Variants in NTM observed in about 807,000 individuals in gnomAD.
The protein encoded by NTM is neurotrimin.
A neutral mutation model predicts 42.1 loss-of-function variants in NTM; 13 were observed. The observed-to-expected ratio is 0.31, with a 90% CI of 0.20 to 0.49. NTM has a LOEUF of 0.49. NTM is among the 20% of genes least tolerant of loss of function. The probability of loss-of-function intolerance (pLI) is 0.99; values close to 1 mark genes in which losing one functional copy is unlikely to be tolerated. For missense variants in NTM, 373 were observed against 452.8 expected (o/e 0.82, Z 1.60); for synonymous variants, 187 against 179.2 (o/e 1.04, Z -0.35).
At chr11:131,760,518 T>C (rs1207330956) in intron 1 of NTM, among the ~76,000 whole-genome samples, 1 of 152,186 alleles carries the variant, frequency 6.6e-6, no homozygotes, top group East Asian at 1.9e-4. Flanking sequence ...CACGGATTTA[T>C]GGAGTCCTTA....
At chr11:131,998,436 C>G (rs992241789) in intron 2 of NTM, among the ~76,000 whole-genome samples, 4 of 152,198 alleles carry the variant, frequency 2.6e-5, no homozygotes, top group Admixed American at 2.6e-4. Flanking sequence ...AGGCAAGGCT[C>G]TGCTTGGGGC....
intron 1 of NTM, among the ~76,000 whole-genome samples, chr11:131,666,492 C>T (rs1172578383): frequency 2.0e-5 from 3 of 152,144 alleles, no homozygotes; most frequent in Non-Finnish European, 4.4e-5. Context: ...CTGACTGCCC[C>T]CAGCCTGGCC....
chr11:131,832,615 G>A (rs1003460501), intron 1 of NTM, among the ~76,000 whole-genome samples: 1 of 152,148 alleles, frequency 6.6e-6, no homozygotes, highest in Non-Finnish European at 1.5e-5. Context: ...ACTCAAAGCA[G>A]GGTCTGGCAT....
intron 2 of NTM, among the ~76,000 whole-genome samples, chr11:132,104,424 G>T (rs2062011303): frequency 1.3e-5 from 2 of 150,918 alleles, no homozygotes; most frequent in African/African-American, 2.4e-5. Flanking sequence ...ATCTTATAAA[G>T]TAGTAAAAGA....
chr11:131,783,445 T>G (rs1331382707), intron 1 of NTM, among the ~76,000 whole-genome samples: 1 of 152,120 alleles, frequency 6.6e-6, no homozygotes, highest in Non-Finnish European at 1.5e-5. Flanking sequence ...AATCTCAGCA[T>G]ATTTTTGGGG....
intron 1 of NTM, among the ~76,000 whole-genome samples, chr11:131,747,502 G>A (rs1388667713): frequency 6.6e-6 from 1 of 152,170 alleles, no homozygotes; most frequent in African/African-American, 2.4e-5. Context: ...TAGCTTTGTA[G>A]CTGGACTCTC....
rs1188093731 is a variant in NTM, at chr11:131,661,030, T to G, written c.83-250534T>G. On this transcript the variant is annotated intron_variant, in intron 1 of 8. Transcript: ENST00000683400. ...AAGAAACGGGGAAGGTGGGAAGAGG[T>G]GGAAATGGAAGGGCACAGGTAGGTG... 2.3e-6 allele frequency: 3 copies of G among 1,303,860 alleles called. No homozygotes were observed. The East Asian group carries it at 1.7e-4, about 72-fold the overall frequency. 80.8% of individuals were successfully genotyped at this position (1,303,860 alleles called of 1,614,324 possible).
intron 1 of NTM, among the ~76,000 whole-genome samples, chr11:131,713,628 C>T (rs1318908870): frequency 1.3e-5 from 2 of 152,134 alleles, no homozygotes; most frequent in African/African-American, 4.8e-5. Flanking sequence ...GCAATCATAT[C>T]ATTTTTCCTC....
chr11:132,330,549 C>T (rs2095783729), intron 8 of NTM, among the ~76,000 whole-genome samples: 1 of 152,152 alleles, frequency 6.6e-6, no homozygotes, highest in Admixed American at 6.5e-5. Context: ...TGCATGCTGC[C>T]CTTGCTTGCA....
intron 1 of NTM, among the ~76,000 whole-genome samples, chr11:131,658,107 G>A (rs1164712842): frequency 5.9e-5 from 9 of 152,258 alleles, no homozygotes; most frequent in Admixed American, 2.0e-4. Context: ...CTTTTTATGG[G>A]CATATTGCTC....
chr11:131,623,915 C>T (rs2062832497), intron 1 of NTM, among the ~76,000 whole-genome samples: 1 of 152,214 alleles, frequency 6.6e-6, no homozygotes, highest in African/African-American at 2.4e-5. Flanking sequence ...AAATGAAGGG[C>T]CTACCCTGGC....
At chr11:131,843,303 A>G (rs2044506285) in intron 1 of NTM, among the ~76,000 whole-genome samples, 1 of 152,218 alleles carries the variant, frequency 6.6e-6, no homozygotes, top group Non-Finnish European at 1.5e-5. Flanking sequence ...CTTCTCTAGT[A>G]CATTCATATG....
intron 1 of NTM, among the ~76,000 whole-genome samples, chr11:131,548,122 G>A (rs1185102949): frequency 1.3e-5 from 2 of 152,158 alleles, no homozygotes; most frequent in African/African-American, 4.8e-5. Flanking sequence ...ACTTCTCTGG[G>A]AATTTTAGTC....
intron 2 of NTM, among the ~76,000 whole-genome samples, chr11:131,914,999 G>C (rs2056044800): frequency 6.6e-6 from 1 of 152,178 alleles, no homozygotes; most frequent in African/African-American, 2.4e-5. Context: ...GCACAGCTAG[G>C]AAGCTTTGAA....
At chr11:132,303,768 A>C in intron 4 of NTM, among the ~76,000 whole-genome samples, 1 of 150,482 alleles carries the variant, frequency 6.6e-6, no homozygotes, top group East Asian at 2.0e-4. Flanking sequence ...TTGGTCCAGG[A>C]TGAGAACTAG....
At chr11:132,319,926 G>T (rs1340782336) in intron 7 of NTM, among the ~76,000 whole-genome samples, 2 of 152,188 alleles carry the variant, frequency 1.3e-5, no homozygotes, top group Admixed American at 1.3e-4. Flanking sequence ...AACTTCCAGA[G>T]GAACAATCAG....
chr11:131,656,063 A>G (rs1168043101), intron 1 of NTM, among the ~76,000 whole-genome samples: 1 of 152,198 alleles, frequency 6.6e-6, no homozygotes, highest in African/African-American at 2.4e-5. Flanking sequence ...CAAATCCACC[A>G]GATCCTCATC....
intron 1 of NTM, among the ~76,000 whole-genome samples, chr11:131,604,551 TC>T (rs1215611437): frequency 1.3e-5 from 2 of 152,192 alleles, no homozygotes; most frequent in African/African-American, 4.8e-5. Flanking sequence ...ATCTAGGTTT[TC>T]TTTTGTCACT....
chr11:132,301,623 G>A (rs1345079290), intron 4 of NTM, among the ~76,000 whole-genome samples: 2 of 152,178 alleles, frequency 1.3e-5, no homozygotes, highest in African/African-American at 2.4e-5. Flanking sequence ...GGCACTGGGG[G>A]AATACAACTG....
Sources: allele counts gnomAD v4.1 joint callset (sites outside exome capture counted in the v4.1 genomes callset), GRCh38; gene constraint gnomAD v4.1.1; transcripts MANE v1.5; gene names NCBI Gene and HGNC (gene_info 2026-07-23, HGNC 2026-07-21).